The following FNDC3A variants were observed in gnomAD, a reference collection of about 807,000 sequenced individuals.
FNDC3A encodes fibronectin type III domain containing 3A, also known as fibronectin type-III domain-containing protein 3A.
A neutral mutation model predicts 148.9 loss-of-function variants in FNDC3A; 32 were observed. The ratio of observed to expected loss-of-function variants is 0.21; its 90% confidence interval spans 0.16 to 0.29. The LOEUF (loss-of-function observed/expected upper bound fraction) is 0.29, where lower values mean the gene tolerates loss of function less well. Among genes scored for constraint, FNDC3A ranks in the 10% least tolerant of loss-of-function variants. The probability of loss-of-function intolerance (pLI) is 1.00; values close to 1 mark genes in which losing one functional copy is unlikely to be tolerated. For missense variants in FNDC3A, 1,191 were observed against 1,452.8 expected (o/e 0.82, Z 2.93); for synonymous variants, 472 against 473.6 (o/e 1.00, Z 0.04).
chr13:49,059,498 C>T (rs112156213), intron 2 of FNDC3A, among the ~76,000 whole-genome samples: 26 of 152,312 alleles, frequency 1.7e-4, no homozygotes, highest in Admixed American at 1.0e-3. Context: ...CTCTGTTGCT[C>T]AGGCTGGAGT....
chr13:49,100,010 A>C (rs1018795682), intron 3 of FNDC3A, among the ~76,000 whole-genome samples: 1 of 152,142 alleles, frequency 6.6e-6, no homozygotes, highest in African/African-American at 2.4e-5. Flanking sequence ...TAGGATGACT[A>C]TTTGAAAGAA....
At chr13:49,019,486 A>G (rs1593479600) in intron 2 of FNDC3A, among the ~76,000 whole-genome samples, 1 of 152,070 alleles carries the variant, frequency 6.6e-6, no homozygotes, top group Non-Finnish European at 1.5e-5. Context: ...GCACCCACTG[A>G]CCTGCGCCCA....
chr13:49,056,645 T>G (rs1056822583), intron 2 of FNDC3A, among the ~76,000 whole-genome samples: 1 of 152,200 alleles, frequency 6.6e-6, no homozygotes, highest in Non-Finnish European at 1.5e-5. Context: ...TTACATATTT[T>G]GTTTTTCCAG....
intron 23 of FNDC3A, among the ~76,000 whole-genome samples, chr13:49,199,142 C>T (rs1328914170): frequency 1.3e-5 from 2 of 152,090 alleles, no homozygotes; most frequent in East Asian, 3.9e-4. Context: ...CACCTCAGCT[C>T]CCCAAGTATC....
At chr13:49,055,600 T>A (rs1470925397) in intron 2 of FNDC3A, among the ~76,000 whole-genome samples, 1 of 152,278 alleles carries the variant, frequency 6.6e-6, no homozygotes, top group Non-Finnish European at 1.5e-5. Context: ...CAACCCCTTA[T>A]CATAACCCAG....
intron 8 of FNDC3A, among the ~76,000 whole-genome samples, chr13:49,160,335 G>T (rs1162718227): frequency 6.6e-6 from 1 of 152,000 alleles, no homozygotes; most frequent in Non-Finnish European, 1.5e-5. Flanking sequence ...CTTCTTCCTG[G>T]TTTAGTCTTG....
chr13:49,074,734 GTA>G (rs1877977314), intron 2 of FNDC3A, among the ~76,000 whole-genome samples: 1 of 152,106 alleles, frequency 6.6e-6, no homozygotes, highest in East Asian at 1.9e-4. Flanking sequence ...TTAACAATGT[GTA>G]TCTTAGGATA....
intron 3 of FNDC3A, among the ~76,000 whole-genome samples, chr13:49,079,938 C>T (rs895181213): frequency 1.7e-4 from 26 of 152,082 alleles, no homozygotes; most frequent in Non-Finnish European, 1.5e-5. Flanking sequence ...CCTTAGCCTC[C>T]TGAGCAGTTA....
At chr13:48,989,420 A>G (rs1467661411) in intron 1 of FNDC3A, among the ~76,000 whole-genome samples, 1 of 152,252 alleles carries the variant, frequency 6.6e-6, no homozygotes, top group African/African-American at 2.4e-5. Context: ...TCATTAAAAC[A>G]GTTATGACTG....
intron 3 of FNDC3A, among the ~76,000 whole-genome samples, chr13:49,095,231 T>G (rs1879447337): frequency 6.6e-6 from 1 of 151,948 alleles, no homozygotes; most frequent in Non-Finnish European, 1.5e-5. Flanking sequence ...TTTAAACTAG[T>G]AAAAACTAAA....
chr13:49,055,186 C>T (rs1876137805), intron 2 of FNDC3A, among the ~76,000 whole-genome samples: 1 of 151,958 alleles, frequency 6.6e-6, no homozygotes, highest in Non-Finnish European at 1.5e-5. Context: ...TCACTTCAGC[C>T]TTGGCCTCCT....
At chr13:49,147,093 T>C (rs1033786891) in intron 8 of FNDC3A, among the ~76,000 whole-genome samples, 1 of 152,212 alleles carries the variant, frequency 6.6e-6, no homozygotes, top group African/African-American at 2.4e-5. Flanking sequence ...TCCTGTTTCC[T>C]CTCTATTGAG....
chr13:49,100,587 T>G (rs1421504751), intron 3 of FNDC3A, among the ~76,000 whole-genome samples: 2 of 152,188 alleles, frequency 1.3e-5, no homozygotes, highest in African/African-American at 4.8e-5. Flanking sequence ...GTTAAATCTT[T>G]TATAATGTTT....
At chr13:49,187,898 A>G (rs7333285) in intron 16 of FNDC3A, among the ~76,000 whole-genome samples, 87,965 of 151,836 alleles carry the variant, frequency 0.58, 27,121 homozygotes, top group Non-Finnish European at 0.68. Context: ...TTTTGTTCTC[A>G]TTTATTTACA....
chr13:49,018,914 GGGGGTCA>G (rs1257756882), intron 2 of FNDC3A, among the ~76,000 whole-genome samples: 1 of 152,182 alleles, frequency 6.6e-6, no homozygotes, highest in Non-Finnish European at 1.5e-5. Flanking sequence ...GGGCTGCTTG[GGGGGTCA>G]GGGGTCAGGG....
chr13:49,168,282 T>C (rs576522169), intron 9 of FNDC3A, among the ~76,000 whole-genome samples: 28 of 152,342 alleles, frequency 1.8e-4, no homozygotes, highest in African/African-American at 6.5e-4. Flanking sequence ...ATTCTGTGGG[T>C]TATATTCAGC....
chr13:49,207,040 GC>G (rs1296009079), intron 25 of FNDC3A, 40 bp from the exon 26 acceptor site: 1 of 1,452,624 alleles, frequency 6.9e-7, no homozygotes. Context: ...TTTCTGTCCA[GC>G]CTTCACACGT....
At chr13:49,117,912 G>A (rs984666585) in intron 4 of FNDC3A, among the ~76,000 whole-genome samples, 1 of 152,156 alleles carries the variant, frequency 6.6e-6, no homozygotes, top group Non-Finnish European at 1.5e-5. Flanking sequence ...GATAGGAACT[G>A]CCTTTTAATT....
intron 22 of FNDC3A, 43 bp downstream of exon 22, chr13:49,198,308 G>C (rs1287183246): frequency 3.1e-6 from 5 of 1,611,256 alleles, no homozygotes; most frequent in African/African-American, 1.3e-5. Context: ...AGACCAGAGA[G>C]ACGCTTTAAA....
Sources: allele counts gnomAD v4.1 joint callset (sites outside exome capture counted in the v4.1 genomes callset), GRCh38; gene constraint gnomAD v4.1.1; transcripts MANE v1.5; gene names NCBI Gene and HGNC (gene_info 2026-07-23, HGNC 2026-07-21).